The following ADRA1A variants were observed in gnomAD, a reference collection of about 807,000 sequenced individuals.
ADRA1A encodes adrenoceptor alpha 1A.
In ADRA1A, 31 loss-of-function variants were observed where a neutral mutation model predicts 29.6. That is an observed-to-expected ratio of 1.05 (90% confidence interval 0.79 to 1.41). The LOEUF is 1.41. ADRA1A is among the 40% of genes most tolerant of loss of function. ADRA1A has a pLI of 0.00. For missense variants in ADRA1A, 619 were observed against 601.1 expected (o/e 1.03, Z -0.31); for synonymous variants, 311 against 254.3 (o/e 1.22, Z -2.12).
intron 2 of ADRA1A, among the ~76,000 whole-genome samples, chr8:26,851,349 T>C (rs1207653791): frequency 6.6e-6 from 1 of 152,028 alleles, no homozygotes; most frequent in African/African-American, 2.4e-5. Flanking sequence ...AGACAAGCTT[T>C]CCAAACCACC....
At chr8:26,804,568 A>G (rs1453616529) in intron 2 of ADRA1A, among the ~76,000 whole-genome samples, 1 of 152,206 alleles carries the variant, frequency 6.6e-6, no homozygotes, top group Non-Finnish European at 1.5e-5. Context: ...TAAACAGATC[A>G]GTATTTGCCT....
intron 2 of ADRA1A, among the ~76,000 whole-genome samples, chr8:26,786,433 A>T (rs1415671445): frequency 6.6e-6 from 1 of 151,720 alleles, no homozygotes; most frequent in Non-Finnish European, 1.5e-5. Context: ...ACAGGGTTTC[A>T]CCATGTTGAA....
At chr8:26,764,774 C>G (rs1414937590), downstream of ADRA1A, among the ~76,000 whole-genome samples, 8 of 152,210 alleles carry the variant, frequency 5.3e-5, no homozygotes, top group Non-Finnish European at 1.2e-4. Flanking sequence ...TGGGATTTTT[C>G]TGTCTTAGCT....
At chr8:26,844,677 C>A (rs1812072902) in intron 2 of ADRA1A, among the ~76,000 whole-genome samples, 1 of 152,094 alleles carries the variant, frequency 6.6e-6, no homozygotes, top group Non-Finnish European at 1.5e-5. Context: ...TGGATTTCTA[C>A]AAGCAAAAGA....
At chr8:26,780,112 A>G (rs1806848821) in intron 2 of ADRA1A, among the ~76,000 whole-genome samples, 1 of 152,134 alleles carries the variant, frequency 6.6e-6, no homozygotes, top group African/African-American at 2.4e-5. Flanking sequence ...TCACTCTGTC[A>G]TTCAAGGCCC....
intron 2 of ADRA1A, among the ~76,000 whole-genome samples, chr8:26,850,055 A>AG (rs750447067): frequency 3.4e-4 from 51 of 152,012 alleles, no homozygotes; most frequent in Non-Finnish European, 5.6e-4. Flanking sequence ...CAAAAAAAAA[A>AG]CAGGGCAGGT....
intron 2 of ADRA1A, among the ~76,000 whole-genome samples, chr8:26,807,249 T>C (rs533871026): frequency 1.3e-5 from 2 of 152,316 alleles, no homozygotes; most frequent in South Asian, 4.1e-4. Context: ...ATCAATGTCA[T>C]GAGGGTGATC....
intron 2 of ADRA1A, among the ~76,000 whole-genome samples, chr8:26,828,440 A>T (rs1397058391): frequency 6.6e-6 from 1 of 152,178 alleles, no homozygotes; most frequent in Non-Finnish European, 1.5e-5. Flanking sequence ...CTGTTAAAAT[A>T]AAAAACACTA....
chr8:26,785,620 A>G (rs1383206497), intron 2 of ADRA1A, among the ~76,000 whole-genome samples: 2 of 152,222 alleles, frequency 1.3e-5, no homozygotes, highest in Non-Finnish European at 2.9e-5. Context: ...ACTCTAAAAA[A>G]ACATGAATAC....
At chr8:26,857,032 C>G (rs1305301261) in intron 2 of ADRA1A, among the ~76,000 whole-genome samples, 2 of 152,236 alleles carry the variant, frequency 1.3e-5, no homozygotes, top group African/African-American at 4.8e-5. Flanking sequence ...AGAGATGAGT[C>G]TGTCTCGCTT....
chr8:26,796,765 G>A lies in ADRA1A; in HGVS notation c.884-26099C>T, dbSNP rs558237771. On this transcript the variant is annotated intron_variant, in intron 2 of 2. Coordinates refer to ENST00000380573, the MANE Select transcript of ADRA1A (RefSeq NM_000680.4). This position sits in a 1 kb window ranked among gnomAD's most constrained non-coding sequence, Gnocchi z 5.0. ...AAGATGAAGGGACACCCCTGAAATC[G>A]GGCACAGGCACATAGATTTGATACC... is the stretch of plus-strand genomic sequence containing the variant. 3.3e-5 allele frequency among the ~76,000 whole-genome samples: 5 copies of A among 152,172 alleles called. No homozygotes were observed. The highest frequency in any genetic ancestry group is 2.9e-5 in the Non-Finnish European group (2 of 68,000).
In ADRA1A at chr8:26,769,734, T is replaced by C. The variant is rs1805999340; in HGVS notation, c.*415A>G. ...AATGTCAAATGTGGCTGTCAGTAGG[T>C]TGAGCCTGAAAATAAAATCCCCTCA... On this transcript the variant is annotated 3_prime_UTR_variant, in exon 3 of 3. Coordinates refer to ENST00000380573, the MANE Select transcript of ADRA1A (RefSeq NM_000680.4). The C allele has an allele frequency of 7.1e-6, 7 of 990,404 alleles. No homozygotes were observed. Among genetic ancestry groups the C allele is most frequent in the Non-Finnish European group, 7.2e-6 (6 of 833,438 alleles). The allele number at this position is 990,404 out of a possible 1,614,324, so 61.4% of individuals were successfully genotyped here. A position where few individuals can be genotyped will look rare whatever the true frequency, so the allele number is the denominator to read the frequency against.
At chr8:26,782,376 T>C (rs1421928417) in intron 2 of ADRA1A, among the ~76,000 whole-genome samples, 1 of 152,238 alleles carries the variant, frequency 6.6e-6, no homozygotes, top group Non-Finnish European at 1.5e-5. Context: ...TTGGAAGCTA[T>C]AATATGGCTT....
At chr8:26,850,045 C>CAAAAAACAAA (rs1554511739) in intron 2 of ADRA1A, among the ~76,000 whole-genome samples, 17 of 123,388 alleles carry the variant, frequency 1.4e-4, no homozygotes, top group Non-Finnish European at 2.7e-4. Flanking sequence ...AAACAAAAAA[C>CAAAAAACAAA]AAAAAAAAAA....
Position 26,756,949 on chromosome 8 carries a change from G to A in ADRA1A, c.1270-170C>T, listed in dbSNP as rs951795291. On this transcript the variant is annotated intron_variant, in intron 2 of 2. Transcript: ENST00000380582. The stretch of plus-strand genomic sequence containing the variant: ...AGACTTCAGTAGAGCGGGTTCTCAA[G>A]TTGAGGATCCCTCTCATTTCCTCAT... The A allele has an allele frequency of 2.0e-5, 20 of 992,588 alleles. No homozygotes were observed. The Middle Eastern group carries it at 8.4e-4, about 42-fold the overall frequency. The allele number at this position is 992,588 out of a possible 1,614,324, so 61.5% of individuals were successfully genotyped here.
At chr8:26,827,207 G>A (rs376668049) in intron 2 of ADRA1A, among the ~76,000 whole-genome samples, 12 of 152,076 alleles carry the variant, frequency 7.9e-5, no homozygotes, top group South Asian at 4.1e-4. Flanking sequence ...AAATACTTGC[G>A]TTTTTCTAAA....
chr8:26,855,217 A>G (rs78465564), intron 2 of ADRA1A, among the ~76,000 whole-genome samples: 11 of 133,244 alleles, frequency 8.3e-5, no homozygotes, highest in Admixed American at 6.2e-4. Context: ...GTGTGCATGC[A>G]TGTGTGTGTG....
chr8:26,754,783 T>C (rs1050498266), downstream of ADRA1A, among the ~76,000 whole-genome samples: 2 of 152,214 alleles, frequency 1.3e-5, no homozygotes, highest in Non-Finnish European at 2.9e-5. Flanking sequence ...TGTTAGTTGA[T>C]TGCAAAAGTG....
chr8:26,839,263 A>G (rs973991718), intron 2 of ADRA1A, among the ~76,000 whole-genome samples: 7 of 148,932 alleles, frequency 4.7e-5, no homozygotes, highest in African/African-American at 1.7e-4. Flanking sequence ...GGTTCAAGTG[A>G]TTCTCCTGCC....
Sources: gnomAD v4.1 joint callset for allele counts (sites outside exome capture counted in the v4.1 genomes callset) on GRCh38, gnomAD v4.1.1 for gene constraint, Gnocchi (gnomAD v3.1) non-coding constraint, MANE v1.5 for transcripts, NCBI Gene and HGNC (gene_info 2026-07-23, HGNC 2026-07-21) for gene names.